The following PPP1R14C variants were observed in gnomAD, a reference collection of about 807,000 sequenced individuals.
PPP1R14C encodes the protein protein phosphatase 1 regulatory inhibitor subunit 14C.
PPP1R14C carries 16 observed loss-of-function variants against 20.4 expected under a neutral mutation model. The ratio of observed to expected loss-of-function variants is 0.78; its 90% CI spans 0.53 to 1.19. The LOEUF is 1.19. Among genes scored for constraint, PPP1R14C ranks in the 50% most tolerant of loss-of-function variants. PPP1R14C has a pLI of 0.00. For synonymous variants in PPP1R14C, 91 were observed against 91.0 expected (o/e 1.00, Z 0.00); for missense variants, 211 against 220.1 (o/e 0.96, Z 0.26).
chr6:150,200,981 CAA>C (rs1359094031), intron 1 of PPP1R14C, among the ~76,000 whole-genome samples: 1 of 152,144 alleles, frequency 6.6e-6, no homozygotes, highest in African/African-American at 2.4e-5. Flanking sequence ...TCACGGAAGT[CAA>C]AAGGGAGAAA....
intron 1 of PPP1R14C, among the ~76,000 whole-genome samples, chr6:150,187,247 CTGTGTGTGTGTGTGTGTG>C (rs61153538): frequency 2.8e-5 from 4 of 141,592 alleles, no homozygotes; most frequent in South Asian, 2.3e-4. Flanking sequence ...TTCTCTTTCT[CTGTGTGTGTGTGTGTGTG>C]TGTGTGTGTG....
At chr6:150,216,438 T>C (rs1778093805) in intron 2 of PPP1R14C, among the ~76,000 whole-genome samples, 1 of 152,148 alleles carries the variant, frequency 6.6e-6, no homozygotes, top group Non-Finnish European at 1.5e-5. Flanking sequence ...GAAGTTGCAA[T>C]GAGCTGAGAT....
Position 150,201,398 on chromosome 6 carries a change from A to ACGCC in PPP1R14C, c.307-13344_307-13343insCCCG, listed in dbSNP as rs1339274718. Among the ~76,000 whole-genome samples the ACGCC allele has an allele frequency of 6.6e-6, 1 of 152,194 alleles. No individual in the cohort carries two copies. Among genetic ancestry groups the ACGCC allele is most frequent in the African/African-American group, 2.4e-5 (1 of 41,434 alleles). ...TTTGCTTTAGGAAGTGATGGCTGAC[A>ACGCC]CGAGATAACAAGAAGAGTGTCCTAC... is the stretch of plus-strand genomic sequence containing the variant. On this transcript the variant is annotated intron_variant, in intron 1 of 3. Transcript: ENST00000361131. This position sits in a 1 kb window ranked among gnomAD's most constrained non-coding sequence, Gnocchi z 4.2.
intron 2 of PPP1R14C, among the ~76,000 whole-genome samples, chr6:150,216,580 T>C (rs367919764): frequency 1.1e-3 from 165 of 152,280 alleles, no homozygotes; most frequent in African/African-American, 3.8e-3. Context: ...AATAAATATT[T>C]TCCTGTTCAA....
Position 150,202,136 on chromosome 6 carries a change from C to T in PPP1R14C, c.307-12608C>T, listed in dbSNP as rs895908780. On this transcript the variant is annotated intron_variant, in intron 1 of 3. Transcript: ENST00000361131. ...CATCAAGCGTGAGCTCCTCTCTCGC[C>T]TCTCTGCTGTGTGGTGTGAGGAAGG... Among the ~76,000 whole-genome samples, 3 of 152,162 alleles carry T rather than the reference C, an allele frequency of 2.0e-5. No individual in the cohort carries two copies. In the South Asian group the frequency reaches 6.2e-4, roughly 32 times the overall value.
At chr6:150,151,443 C>T (rs1184120509) in intron 1 of PPP1R14C, among the ~76,000 whole-genome samples, 1 of 152,178 alleles carries the variant, frequency 6.6e-6, no homozygotes, top group Non-Finnish European at 1.5e-5. Context: ...ATATGAGTCC[C>T]CACTGGTCCC....
intron 1 of PPP1R14C, among the ~76,000 whole-genome samples, chr6:150,146,099 A>G (rs765465080): frequency 1.3e-5 from 2 of 152,206 alleles, no homozygotes; most frequent in Non-Finnish European, 2.9e-5. Context: ...TTACCTACCT[A>G]CTAGGTGACT....
At chr6:150,194,853 T>TTAC in intron 1 of PPP1R14C, 5 of 985,394 alleles carry the variant, frequency 5.1e-6, no homozygotes, top group Non-Finnish European at 6.0e-6. Context: ...GTTTGAGTAC[T>TTAC]TACACATGTT....
intron 2 of PPP1R14C, among the ~76,000 whole-genome samples, chr6:150,215,273 T>C (rs1562271795): frequency 6.6e-6 from 1 of 152,352 alleles, no homozygotes; most frequent in South Asian, 2.1e-4. Context: ...CATAATTCTA[T>C]TTAGTAGACG....
intron 1 of PPP1R14C, among the ~76,000 whole-genome samples, chr6:150,183,072 T>C (rs1582907414): frequency 6.6e-6 from 1 of 152,256 alleles, no homozygotes; most frequent in East Asian, 1.9e-4. Context: ...AATATTATTA[T>C]GCTGGAAATC....
intron 1 of PPP1R14C, among the ~76,000 whole-genome samples, chr6:150,151,923 A>G (rs1430535545): frequency 1.3e-5 from 2 of 151,984 alleles, no homozygotes; most frequent in Non-Finnish European, 2.9e-5. Flanking sequence ...GATCGAGACC[A>G]TCCCGGCTAA....
At chr6:150,227,045 C>A (rs1778238374) in intron 3 of PPP1R14C, among the ~76,000 whole-genome samples, 1 of 152,194 alleles carries the variant, frequency 6.6e-6, no homozygotes. Flanking sequence ...TTCAGACTAG[C>A]TTTGGTGATG....
intron 1 of PPP1R14C, among the ~76,000 whole-genome samples, chr6:150,171,028 C>T (rs1356218912): frequency 2.0e-5 from 3 of 152,016 alleles, no homozygotes; most frequent in Non-Finnish European, 4.4e-5. Context: ...ACAGCCTCCC[C>T]ACCAACTCCC....
At chr6:150,245,497 A>G (rs1778480776) in intron 3 of PPP1R14C, among the ~76,000 whole-genome samples, 1 of 151,916 alleles carries the variant, frequency 6.6e-6, no homozygotes, top group Admixed American at 6.6e-5. Context: ...AGGGACTTCC[A>G]CTTCCTTGCT....
chr6:150,249,042 G>T lies in PPP1R14C; in HGVS notation c.*222G>T, dbSNP rs531248626. Reference sequence around the variant, plus strand: ...GTTAATGTAATATTTTAATAGCAAAGATATCATGACTCTAGCCACAGCCTA... The same window carrying T: ...GTTAATGTAATATTTTAATAGCAAATATATCATGACTCTAGCCACAGCCTA... On this transcript the variant is annotated 3_prime_UTR_variant, in exon 4 of 4. Coordinates refer to ENST00000361131, the MANE Select transcript of PPP1R14C (RefSeq NM_030949.3). The T allele has an allele frequency of 6.4e-6, 3 of 471,340 alleles. No homozygotes were observed. In the East Asian group the frequency reaches 9.4e-5, roughly 15 times the overall value. 29.2% of individuals were successfully genotyped at this position (471,340 alleles called of 1,614,324 possible).
At chr6:150,199,543 C>A (rs374474634) in intron 1 of PPP1R14C, among the ~76,000 whole-genome samples, 2 of 152,162 alleles carry the variant, frequency 1.3e-5, no homozygotes, top group Non-Finnish European at 2.9e-5. Flanking sequence ...AACCCACCAG[C>A]CTCTTCATCT....
intron 1 of PPP1R14C, among the ~76,000 whole-genome samples, chr6:150,146,272 T>C (rs1323686681): frequency 6.6e-6 from 1 of 152,084 alleles, no homozygotes; most frequent in Non-Finnish European, 1.5e-5. Flanking sequence ...TGGGTTGGGG[T>C]TGAGGATGAA....
At chr6:150,207,905 C>T (rs566798443) in intron 1 of PPP1R14C, among the ~76,000 whole-genome samples, 2 of 152,070 alleles carry the variant, frequency 1.3e-5, no homozygotes, top group East Asian at 1.9e-4. Flanking sequence ...AGTTCAAGGT[C>T]GAGGGGTCAT....
chr6:150,171,570 C>T (rs1040530608), intron 1 of PPP1R14C, among the ~76,000 whole-genome samples: 6 of 152,304 alleles, frequency 3.9e-5, no homozygotes, highest in South Asian at 2.1e-4. Context: ...CTGTGATTGA[C>T]GCACACATTT....
Sources: allele counts gnomAD v4.1 joint callset (sites outside exome capture counted in the v4.1 genomes callset), GRCh38; gene constraint gnomAD v4.1.1; non-coding constraint Gnocchi (gnomAD v3.1); transcripts MANE v1.5; gene names NCBI Gene and HGNC (gene_info 2026-07-23, HGNC 2026-07-21).